The following APBA1 variants were observed in gnomAD, a reference collection of about 807,000 sequenced individuals.
APBA1 encodes the protein amyloid beta precursor protein binding family A member 1.
In APBA1, 55 loss-of-function variants were observed where a neutral mutation model predicts 86.6. That is an observed-to-expected ratio of 0.64 (90% CI 0.51 to 0.80). The LOEUF is 0.80. APBA1 is among the 30% of genes least tolerant of loss of function. The pLI is 0.00. For synonymous variants in APBA1, 511 were observed against 493.9 expected (o/e 1.03, Z -0.46); for missense variants, 1,090 against 1,183.0 (o/e 0.92, Z 1.15).
chr9:69,511,089 A>G (rs1443229466), intron 2 of APBA1, among the ~76,000 whole-genome samples: 1 of 152,004 alleles, frequency 6.6e-6, no homozygotes, highest in Non-Finnish European at 1.5e-5. Context: ...AATTAAACTA[A>G]AGAGCTTCTG....
chr9:69,435,933 A>T (rs572065831), intron 11 of APBA1, among the ~76,000 whole-genome samples: 120 of 152,264 alleles, frequency 7.9e-4, no homozygotes, highest in African/African-American at 2.6e-3. Context: ...TAGGTCTTTA[A>T]TCCATCTTGA....
chr9:69,569,448 A>AGTGTGTGT (rs71507121), intron 1 of APBA1, among the ~76,000 whole-genome samples: 20 of 144,960 alleles, frequency 1.4e-4, no homozygotes, highest in African/African-American at 5.1e-4. Flanking sequence ...GTCACGTGTG[A>AGTGTGTGT]GTGTGTGTGT....
chr9:69,591,287 T>C (rs1327005493), intron 1 of APBA1, among the ~76,000 whole-genome samples: 1 of 152,244 alleles, frequency 6.6e-6, no homozygotes, highest in Non-Finnish European at 1.5e-5. Flanking sequence ...TGTGGATTCC[T>C]GAATCCACAA....
intron 2 of APBA1, among the ~76,000 whole-genome samples, chr9:69,486,421 T>G (rs1379243964): frequency 6.6e-6 from 1 of 152,102 alleles, no homozygotes; most frequent in African/African-American, 2.4e-5. Context: ...TCTCAGTGCC[T>G]ATCTGTGTTC....
chr9:69,537,570 G>A (rs553324704), intron 1 of APBA1, among the ~76,000 whole-genome samples: 15 of 152,182 alleles, frequency 9.9e-5, no homozygotes, highest in African/African-American at 3.4e-4. Context: ...AAGGAGGGTC[G>A]GGGAGAGAAG....
In APBA1 at chr9:69,449,706, T is replaced by G. The variant is rs777222533; in HGVS notation, c.2059A>C (p.Asn687His). 2 of 1,614,038 alleles carry G rather than the reference T, an allele frequency of 1.2e-6. No homozygotes were observed. The highest frequency in any genetic ancestry group is 2.7e-5 in the African/African-American group (2 of 74,922). The change falls in exon 10 of 13, where the codon AAC becomes CAC. Residue 687 changes from asparagine (N) to histidine (H), a missense_variant. This residue lies in a region of APBA1 where 97 missense variants were observed against 166.8 expected (regional missense o/e 0.58). Transcript: ENST00000265381. Reference protein sequence around the residue: ...GSILPTVIIANMMHGGPAEKS... With the variant: ...GSILPTVIIAHMMHGGPAEKS... ...TCCGCAGGGCCACCATGCATCATGTTGGCAATGATCACGGTGGGGAGGATG... is the reference window on the plus strand; with the variant it reads ...TCCGCAGGGCCACCATGCATCATGTGGGCAATGATCACGGTGGGGAGGATG...
intron 1 of APBA1, among the ~76,000 whole-genome samples, chr9:69,593,480 G>T (rs1049115456): frequency 6.6e-6 from 1 of 152,118 alleles, no homozygotes; most frequent in Non-Finnish European, 1.5e-5. Flanking sequence ...CCAAACAACC[G>T]TCAACAAGGG....
At chr9:69,457,172 G>T in intron 6 of APBA1, 33 bp from the exon 7 acceptor site, 1 of 1,550,704 alleles carries the variant, frequency 6.4e-7, no homozygotes, top group South Asian at 1.1e-5. Flanking sequence ...GAGAAAGTTT[G>T]ACCACACTAC....
chr9:69,532,645 T>C (rs959108725), intron 1 of APBA1, among the ~76,000 whole-genome samples: 9 of 152,228 alleles, frequency 5.9e-5, no homozygotes, highest in Admixed American at 5.9e-4. Context: ...TATTTCAGTG[T>C]GTGCTTTGGT....
chr9:69,600,692 G>C (rs60759202), intron 1 of APBA1, among the ~76,000 whole-genome samples: 1 of 151,696 alleles, frequency 6.6e-6, no homozygotes. Flanking sequence ...CCAGCTACTC[G>C]GGGGGCTGAG....
chr9:69,627,647 A>G (rs1055373152), intron 1 of APBA1, among the ~76,000 whole-genome samples: 1 of 152,132 alleles, frequency 6.6e-6, no homozygotes, highest in Admixed American at 6.5e-5. Context: ...GCTACTCAAA[A>G]ACTCTAGAAT....
At chr9:69,574,065 A>C (rs1395025919) in intron 1 of APBA1, among the ~76,000 whole-genome samples, 1 of 152,188 alleles carries the variant, frequency 6.6e-6, no homozygotes, top group African/African-American at 2.4e-5. Flanking sequence ...ATGTGTGTGT[A>C]CTTATATACA....
intron 2 of APBA1, among the ~76,000 whole-genome samples, chr9:69,497,615 G>T (rs542796111): frequency 6.6e-5 from 10 of 152,194 alleles, no homozygotes; most frequent in Admixed American, 6.5e-4. Flanking sequence ...TTTGACAATG[G>T]CAGTCCCTTG....
chr9:69,512,880 A>G (rs987942024), intron 2 of APBA1, among the ~76,000 whole-genome samples: 8 of 152,208 alleles, frequency 5.3e-5, no homozygotes, highest in African/African-American at 1.9e-4. Context: ...GTTTTAAAAC[A>G]CCTTTCCATT....
chr9:69,451,929 C>T (rs1034164532), intron 9 of APBA1, among the ~76,000 whole-genome samples, 193 bp downstream of exon 9: 1 of 152,200 alleles, frequency 6.6e-6, no homozygotes, highest in African/African-American at 2.4e-5. Flanking sequence ...CTGTTTACAC[C>T]TGTCCACAAT....
At chr9:69,657,794 G>A (rs935576111) in intron 1 of APBA1, among the ~76,000 whole-genome samples, 10 of 152,100 alleles carry the variant, frequency 6.6e-5, no homozygotes, top group African/African-American at 1.9e-4. Flanking sequence ...CTGGTTTAAC[G>A]TGACAAATTT....
At chr9:69,486,384 ATTATTTAT>A (rs1337475589) in intron 2 of APBA1, among the ~76,000 whole-genome samples, 1 of 152,092 alleles carries the variant, frequency 6.6e-6, no homozygotes, top group Admixed American at 6.5e-5. Flanking sequence ...ACAAGTCATT[ATTATTTAT>A]TTGTTCCTTC....
intron 1 of APBA1, among the ~76,000 whole-genome samples, chr9:69,547,663 T>A (rs900719298): frequency 6.6e-6 from 1 of 152,246 alleles, no homozygotes. Flanking sequence ...TTGTATTAAT[T>A]GTCCATTTTT....
chr9:69,501,730 A>G (rs914571962), intron 2 of APBA1, among the ~76,000 whole-genome samples: 1 of 151,832 alleles, frequency 6.6e-6, no homozygotes, highest in Non-Finnish European at 1.5e-5. Flanking sequence ...AGGTAGGTTG[A>G]GGCAGGAGGA....
Sources: gnomAD v4.1 joint callset for allele counts (sites outside exome capture counted in the v4.1 genomes callset) on GRCh38, gnomAD v4.1.1 for gene constraint, gnomAD v4.1.1 regional missense constraint, MANE v1.5 for transcripts, NCBI Gene and HGNC (gene_info 2026-07-23, HGNC 2026-07-21) for gene names.